The following CNTLN variants were observed in gnomAD, a reference collection of about 807,000 sequenced individuals.
The protein encoded by CNTLN is centlein, centrosomal protein.
A neutral mutation model predicts 180.0 loss-of-function variants in CNTLN; 212 were observed. That is an observed-to-expected ratio of 1.18 (90% CI 1.05 to 1.32). The LOEUF is 1.32. CNTLN is among the 40% of genes most tolerant of loss of function. The pLI, the probability that CNTLN is intolerant of heterozygous loss-of-function variation, is 0.00. For synonymous variants in CNTLN, 722 were observed against 563.1 expected (o/e 1.28, Z -3.99); for missense variants, 2,095 against 1,610.9 (o/e 1.30, Z -5.14).
intron 14 of CNTLN, among the ~76,000 whole-genome samples, chr9:17,392,290 A>G (rs1826175105): frequency 6.6e-6 from 1 of 152,178 alleles, no homozygotes; most frequent in Non-Finnish European, 1.5e-5. Context: ...ACTTACTTGC[A>G]TCAAATATGT....
rs193064774 is a variant in CNTLN at position 17,291,867 on chromosome 9, C to T, written c.984-6323C>T. Among the ~76,000 whole-genome samples the T allele has an allele frequency of 2.2e-3, 334 of 152,142 alleles. 2 individuals carry two copies. The highest frequency in any genetic ancestry group is 2.6e-3 in the Admixed American group (39 of 15,288). On this transcript the variant is annotated intron_variant, in intron 6 of 25. Coordinates refer to ENST00000380647, the MANE Select transcript of CNTLN (RefSeq NM_017738.4). ...GTTATGATGGTAGCTGGTTATCAGA[C>T]TTGGTGATGTAGTTGCTTTATAGTT...
intron 2 of CNTLN, among the ~76,000 whole-genome samples, chr9:17,223,525 T>G (rs1051679612): frequency 6.6e-6 from 1 of 152,040 alleles, no homozygotes; most frequent in African/African-American, 2.4e-5. Context: ...AGGCAAAAGC[T>G]TGGGAGACAT....
chr9:17,176,912 T>C (rs1820752552), intron 2 of CNTLN, among the ~76,000 whole-genome samples: 3 of 152,200 alleles, frequency 2.0e-5, no homozygotes, highest in African/African-American at 7.2e-5. Flanking sequence ...GCAGTGTCTG[T>C]TGATAATCCT....
intron 2 of CNTLN, among the ~76,000 whole-genome samples, chr9:17,195,561 C>T (rs1259739675): frequency 1.3e-5 from 2 of 152,044 alleles, no homozygotes; most frequent in African/African-American, 2.4e-5. Flanking sequence ...GATTATAGTA[C>T]TGTTTGTATA....
At chr9:17,307,121 A>G (rs960970401) in intron 7 of CNTLN, among the ~76,000 whole-genome samples, 2 of 152,174 alleles carry the variant, frequency 1.3e-5, no homozygotes, top group African/African-American at 2.4e-5. Context: ...GCTCCTTGGT[A>G]TAAAGGTAAT....
chr9:17,198,896 A>G (rs1375268788), intron 2 of CNTLN, among the ~76,000 whole-genome samples: 2 of 152,094 alleles, frequency 1.3e-5, no homozygotes, highest in Non-Finnish European at 2.9e-5. Context: ...TCTATGGTGT[A>G]TATGTGCCAC....
intron 2 of CNTLN, among the ~76,000 whole-genome samples, chr9:17,181,119 G>A (rs572665521): frequency 8.5e-5 from 13 of 152,246 alleles, no homozygotes; most frequent in Non-Finnish European, 1.5e-4. Context: ...TTGAGTCACT[G>A]TTTCTTTGTA....
At position 17,462,909 on chromosome 9, in the gene CNTLN, A is replaced by C; in HGVS notation, c.3307-7A>C. 1 of 1,465,450 alleles carries C rather than the reference A, an allele frequency of 6.8e-7. No individual in the cohort carries two copies. Among genetic ancestry groups the C allele is most frequent in the Non-Finnish European group, 9.1e-7 (1 of 1,093,852 alleles). 90.8% of individuals were successfully genotyped at this position (1,465,450 alleles called of 1,614,324 possible). ...TATATTTAAATTTATTTCTATTTTT[A>C]ATCTAGAATGCTACTAATGAACTCA... On this transcript the variant is annotated splice_region_variant and splice_polypyrimidine_tract_variant and intron_variant, in intron 19 of 25. Coordinates refer to ENST00000380647, the MANE Select transcript of CNTLN (RefSeq NM_017738.4).
intron 10 of CNTLN, among the ~76,000 whole-genome samples, chr9:17,334,780 AG>A (rs1347104140): frequency 6.6e-6 from 1 of 152,172 alleles, no homozygotes; most frequent in Non-Finnish European, 1.5e-5. Context: ...GAAGGGAGCA[AG>A]GGCTATAAAC....
At chr9:17,370,754 A>G (rs1824249022) in intron 13 of CNTLN, among the ~76,000 whole-genome samples, 1 of 152,258 alleles carries the variant, frequency 6.6e-6, no homozygotes, top group South Asian at 2.1e-4. Flanking sequence ...TTTTCAAGAC[A>G]TAGTATAATA....
At chr9:17,178,637 C>T (rs1220445762) in intron 2 of CNTLN, among the ~76,000 whole-genome samples, 1 of 151,500 alleles carries the variant, frequency 6.6e-6, no homozygotes, top group African/African-American at 2.4e-5. Context: ...GGTGCTAAGC[C>T]CCTCACTGCC....
chr9:17,376,397 T>C (rs1052378915), intron 13 of CNTLN, among the ~76,000 whole-genome samples: 4 of 152,034 alleles, frequency 2.6e-5, no homozygotes, highest in African/African-American at 9.6e-5. Flanking sequence ...GAGATAAAAA[T>C]TTTTAATATT....
chr9:17,316,465 A>G (rs1819545480), intron 8 of CNTLN, among the ~76,000 whole-genome samples: 1 of 152,050 alleles, frequency 6.6e-6, no homozygotes, highest in Non-Finnish European at 1.5e-5. Context: ...TGATAAACCT[A>G]TTGTAAGTTG....
At chr9:17,452,158 T>A (rs1328152894) in intron 18 of CNTLN, among the ~76,000 whole-genome samples, 1 of 152,188 alleles carries the variant, frequency 6.6e-6, no homozygotes, top group African/African-American at 2.4e-5. Context: ...ATTAGGGAAA[T>A]GATTTTCTCA....
At chr9:17,440,506 G>A (rs574964273) in intron 18 of CNTLN, among the ~76,000 whole-genome samples, 10 of 150,196 alleles carry the variant, frequency 6.7e-5, no homozygotes, top group Non-Finnish European at 1.3e-4. Context: ...GGAGAATGGC[G>A]TGAACCTGGG....
intron 18 of CNTLN, 105 bp downstream of exon 18, chr9:17,416,294 A>G: frequency 1.1e-6 from 1 of 945,812 alleles, no homozygotes; most frequent in Admixed American, 3.1e-5. Flanking sequence ...CAGGTCTATG[A>G]GTTTTAAAAA....
At chr9:17,504,591 A>T (rs1324051290), downstream of CNTLN, among the ~76,000 whole-genome samples, 4 of 152,220 alleles carry the variant, frequency 2.6e-5, no homozygotes. Context: ...TGGGAAGATT[A>T]TCTTGGATTA....
At chr9:17,455,803 G>A (rs34828821) in intron 18 of CNTLN, among the ~76,000 whole-genome samples, 6,219 of 33,836 alleles carry the variant, frequency 0.18, 977 homozygotes, top group East Asian at 0.32. Flanking sequence ...GGTTTGGGGA[G>A]TGGCAGGCAG....
intron 6 of CNTLN, among the ~76,000 whole-genome samples, chr9:17,287,974 A>AT (rs1182706065): frequency 6.4e-5 from 9 of 141,270 alleles, no homozygotes; most frequent in Non-Finnish European, 1.5e-5. Flanking sequence ...GGATTCCTTG[A>AT]TTTTTTGAAG....
Sources: allele counts gnomAD v4.1 joint callset (sites outside exome capture counted in the v4.1 genomes callset), GRCh38; gene constraint gnomAD v4.1.1; transcripts MANE v1.5; gene names NCBI Gene and HGNC (gene_info 2026-07-23, HGNC 2026-07-21).